DNER: variants seen among roughly 807,000 people sequenced by gnomAD.
The protein encoded by DNER is delta and Notch-like epidermal growth factor-related receptor.
In DNER, 33 loss-of-function variants were observed where a neutral mutation model predicts 78.2. That is an observed-to-expected ratio of 0.42 (90% CI 0.32 to 0.56). DNER has a LOEUF of 0.56. DNER is among the 20% of genes least tolerant of loss of function. The probability of loss-of-function intolerance (pLI) is 0.11; values close to 1 mark genes in which losing one functional copy is unlikely to be tolerated. For synonymous variants in DNER, 417 were observed against 384.8 expected, an observed-to-expected ratio of 1.08 and a Z score of -0.98; for missense variants, 918 against 975.3, an observed-to-expected ratio of 0.94 and a Z score of 0.78.
chr2:229,382,687 A>T (rs972904048), intron 11 of DNER, among the ~76,000 whole-genome samples: 1 of 151,994 alleles, frequency 6.6e-6, no homozygotes. Flanking sequence ...GACCAACTTA[A>T]TGAAATAAAG....
rs368881076 is a variant in DNER, at chr2:229,418,672, C to G, written c.1487-442G>C. On this transcript the variant is annotated intron_variant, in intron 8 of 12. Coordinates refer to ENST00000341772, the MANE Select transcript of DNER (RefSeq NM_139072.4). The stretch of plus-strand genomic sequence containing the variant: ...CACCACAAAGTGCTGGTAATCCCAG[C>G]ACTTTGGGATACCGAGGCAGGTTGA... Among the ~76,000 whole-genome samples, 48 of 152,194 alleles carry G rather than the reference C, an allele frequency of 3.2e-4. 1 individual carries two copies. The highest frequency in any genetic ancestry group is 3.1e-3 in the East Asian group (16 of 5,162).
chr2:229,431,472 A>C (rs904559006), intron 8 of DNER, among the ~76,000 whole-genome samples: 23 of 152,144 alleles, frequency 1.5e-4, no homozygotes, highest in Admixed American at 5.2e-4. Flanking sequence ...AGTCACACTG[A>C]GAAAAATCAA....
At chr2:229,644,751 A>ATT (rs1698685773) in intron 1 of DNER, among the ~76,000 whole-genome samples, 1 of 152,214 alleles carries the variant, frequency 6.6e-6, no homozygotes, top group African/African-American at 2.4e-5. Context: ...TGAATGCACC[A>ATT]TTCCTTAGAT....
Position 229,585,888 on chromosome 2 carries a change from T to A in DNER, c.817A>T (p.Met273Leu). ...ASGGLVLLEE[M>L]LALGNNHFIG... ...AAGTGATTATTCCCCAAGGCGAGCA[T>A]CTCCTCCAGGAGGACCAGTCCCCCT... Residue 273 changes from methionine (M) to leucine (L), a missense_variant, in exon 4 of 13, where the codon ATG (methionine) becomes TTG (leucine). Physicochemically the swap from Met to Leu is conservative, Grantham distance 15. Coordinates refer to ENST00000341772, the MANE Select transcript of DNER (RefSeq NM_139072.4). The A allele has an allele frequency of 6.2e-7, 1 of 1,613,882 alleles. No homozygotes were observed. The highest frequency in any genetic ancestry group is 8.5e-7 in the Non-Finnish European group (1 of 1,179,952).
At chr2:229,577,321 G>A (rs903318742) in intron 4 of DNER, among the ~76,000 whole-genome samples, 3 of 152,180 alleles carry the variant, frequency 2.0e-5, no homozygotes, top group Non-Finnish European at 2.9e-5. Flanking sequence ...GAGAATGCAG[G>A]GCCTGACATT....
chr2:229,499,703 G>A (rs1399978331), intron 6 of DNER, among the ~76,000 whole-genome samples: 2 of 151,222 alleles, frequency 1.3e-5, no homozygotes, highest in Non-Finnish European at 2.9e-5. Context: ...GGCAACAAAA[G>A]CAAAAATAGA....
Position 229,568,568 on chromosome 2 carries a change from G to C in DNER, c.847+17290C>G, listed in dbSNP as rs200293527. Among the ~76,000 whole-genome samples, 13 of 152,240 alleles carry C rather than the reference G, an allele frequency of 8.5e-5. No homozygotes were observed. The East Asian group carries it at 1.9e-3, about 23-fold the overall frequency. On this transcript the variant is annotated intron_variant, in intron 4 of 12. Coordinates refer to ENST00000341772, the MANE Select transcript of DNER (RefSeq NM_139072.4). ...ATTTTTATTTTGCAATTGCTTTGTAGTCATGGATATTAACTATTTATGCCA... is the reference window on the plus strand; with the variant it reads ...ATTTTTATTTTGCAATTGCTTTGTACTCATGGATATTAACTATTTATGCCA...
At chr2:229,559,953 C>T (rs67240011) in intron 4 of DNER, among the ~76,000 whole-genome samples, 17,585 of 152,234 alleles carry the variant, frequency 0.12, 1,170 homozygotes, top group Middle Eastern at 0.2. Flanking sequence ...AATGTTCTGC[C>T]ATCATTATGG....
At chr2:229,677,786 A>G (rs1699320763) in intron 1 of DNER, among the ~76,000 whole-genome samples, 1 of 152,144 alleles carries the variant, frequency 6.6e-6, no homozygotes, top group Admixed American at 6.5e-5. Flanking sequence ...CATCTTATCA[A>G]TATGTTTAAG....
intron 1 of DNER, among the ~76,000 whole-genome samples, chr2:229,622,796 AAAGAATGCC>A (rs2154215515): frequency 6.6e-6 from 1 of 152,330 alleles, no homozygotes; most frequent in Non-Finnish European, 1.5e-5. Flanking sequence ...TCCATGAGCC[AAAGAATGCC>A]AAGAATTGCA....
chr2:229,557,438 G>A (rs2154213512), intron 4 of DNER, among the ~76,000 whole-genome samples: 1 of 152,310 alleles, frequency 6.6e-6, no homozygotes, highest in East Asian at 1.9e-4. Flanking sequence ...TAAAGTAGCA[G>A]TGAGAATGAC....
chr2:229,533,139 G>A (rs10174483), intron 5 of DNER, among the ~76,000 whole-genome samples: 2 of 152,066 alleles, frequency 1.3e-5, no homozygotes, highest in Non-Finnish European at 2.9e-5. Context: ...CTAAATTAAG[G>A]GTTCTCAGAA....
intron 1 of DNER, among the ~76,000 whole-genome samples, chr2:229,615,132 C>T (rs569499437): frequency 3.3e-5 from 5 of 152,300 alleles, no homozygotes; most frequent in Non-Finnish European, 7.3e-5. Flanking sequence ...TCTGTAGAGG[C>T]CGGGCGTGGT....
At chr2:229,652,544 A>G (rs2154216311) in intron 1 of DNER, among the ~76,000 whole-genome samples, 1 of 152,322 alleles carries the variant, frequency 6.6e-6, no homozygotes, top group South Asian at 2.1e-4. Flanking sequence ...AAAGAAGAGC[A>G]GTAACTGTTA....
chr2:229,702,282 C>T (rs1699759408), intron 1 of DNER: 1 of 152,992 alleles, frequency 6.5e-6, no homozygotes, highest in Non-Finnish European at 1.5e-5. Context: ...CGCCTGTAAT[C>T]CCAGCACTTT....
At chr2:229,551,377 T>C (rs935841222) in intron 4 of DNER, among the ~76,000 whole-genome samples, 1 of 152,150 alleles carries the variant, frequency 6.6e-6, no homozygotes, top group African/African-American at 2.4e-5. Context: ...CTCACGCCTG[T>C]AATCTCAGCA....
intron 8 of DNER, among the ~76,000 whole-genome samples, chr2:229,445,456 TGGCTA>T (rs2106361382): frequency 6.6e-6 from 1 of 152,356 alleles, no homozygotes; most frequent in East Asian, 1.9e-4. Flanking sequence ...GGTGTCAACT[TGGCTA>T]GGCCATGGTT....
At chr2:229,697,736 A>G (rs1468863798) in intron 1 of DNER, among the ~76,000 whole-genome samples, 1 of 152,202 alleles carries the variant, frequency 6.6e-6, no homozygotes, top group Non-Finnish European at 1.5e-5. Context: ...CAGGTTTCTC[A>G]TTAGGAGTTT....
At chr2:229,547,188 A>T in intron 4 of DNER, 96 bp from the exon 5 acceptor site, 4 of 1,504,930 alleles carry the variant, frequency 2.7e-6, no homozygotes, top group South Asian at 2.6e-5. Context: ...CAAGACTATG[A>T]ATTTAGTGTA....
Sources: allele counts gnomAD v4.1 joint callset (sites outside exome capture counted in the v4.1 genomes callset), GRCh38; gene constraint gnomAD v4.1.1; transcripts MANE v1.5; gene names NCBI Gene and HGNC (gene_info 2026-07-23, HGNC 2026-07-21).